Variants in CWC27 observed in about 807,000 individuals in gnomAD.
CWC27 encodes the protein CWC27 spliceosome associated cyclophilin.
In CWC27, 47 loss-of-function variants were observed where a neutral mutation model predicts 63.6. The observed-to-expected ratio is 0.74, with a 90% confidence interval of 0.58 to 0.94. The LOEUF (loss-of-function observed/expected upper bound fraction) is 0.94. Among genes scored for constraint, CWC27 ranks in the 40% least tolerant of loss-of-function variants. The pLI is 0.00. For synonymous variants in CWC27, 175 were observed against 179.8 expected, an observed-to-expected ratio of 0.97 and a Z score of 0.22; for missense variants, 495 against 554.3, an observed-to-expected ratio of 0.89 and a Z score of 1.07.
chr5:64,923,768 C>T (rs1057042755), intron 11 of CWC27, among the ~76,000 whole-genome samples: 5 of 151,524 alleles, frequency 3.3e-5, no homozygotes, highest in Admixed American at 6.6e-5. Flanking sequence ...ACTCTAGCTT[C>T]AAGCTAACAT....
At chr5:64,851,325 A>G (rs950856660) in intron 10 of CWC27, among the ~76,000 whole-genome samples, 1 of 152,148 alleles carries the variant, frequency 6.6e-6, no homozygotes, top group Admixed American at 6.6e-5. Flanking sequence ...CTGTGTTCTC[A>G]CTTATATGTG....
At chr5:64,884,268 G>A (rs1487553257) in intron 10 of CWC27, 1 of 152,092 alleles carries the variant, frequency 6.6e-6, no homozygotes, top group East Asian at 1.9e-4. Flanking sequence ...GAAATGAAAG[G>A]CTGAAAAAGT....
At chr5:64,895,124 T>C (rs1747338417) in intron 11 of CWC27, among the ~76,000 whole-genome samples, 1 of 152,154 alleles carries the variant, frequency 6.6e-6, no homozygotes, top group Non-Finnish European at 1.5e-5. Context: ...GGTCTCCAAA[T>C]CTTCCAGCCA....
At chr5:64,947,309 A>G (rs1166952486) in intron 11 of CWC27, among the ~76,000 whole-genome samples, 1 of 152,116 alleles carries the variant, frequency 6.6e-6, no homozygotes, top group African/African-American at 2.4e-5. Flanking sequence ...TTCAAGCACC[A>G]ATGAGCAGGC....
At chr5:64,789,974 A>G (rs57519034) in intron 7 of CWC27, among the ~76,000 whole-genome samples, 1,635 of 152,218 alleles carry the variant, frequency 0.011, 24 homozygotes, top group African/African-American at 0.037. Context: ...TTCTTTAGCC[A>G]TATGTTCCCT....
At chr5:64,933,369 A>G (rs1267417413) in intron 11 of CWC27, among the ~76,000 whole-genome samples, 1 of 152,234 alleles carries the variant, frequency 6.6e-6, no homozygotes, top group African/African-American at 2.4e-5. Flanking sequence ...TTAAACTTGC[A>G]GAAAACAGTA....
intron 11 of CWC27, among the ~76,000 whole-genome samples, chr5:64,925,514 A>G (rs372807929): frequency 1.8e-4 from 28 of 152,294 alleles, no homozygotes; most frequent in African/African-American, 6.5e-4. Flanking sequence ...TGATTATTCT[A>G]TCATGTGCCT....
chr5:64,906,314 C>T (rs1747639947), intron 11 of CWC27, among the ~76,000 whole-genome samples: 1 of 152,214 alleles, frequency 6.6e-6, no homozygotes, highest in African/African-American at 2.4e-5. Context: ...TATTTCTCCA[C>T]ATCCTTTCCA....
intron 1 of CWC27, among the ~76,000 whole-genome samples, chr5:64,772,409 G>A (rs1411879247): frequency 6.7e-6 from 1 of 149,234 alleles, no homozygotes; most frequent in Non-Finnish European, 1.5e-5. Context: ...ATTGCCTGAG[G>A]TCAGGAGTTC....
At chr5:64,819,965 A>G (rs574590768) in intron 10 of CWC27, among the ~76,000 whole-genome samples, 8 of 152,328 alleles carry the variant, frequency 5.3e-5, no homozygotes, top group Admixed American at 4.6e-4. Context: ...TGCTATTAAT[A>G]TGTATAAAAA....
At chr5:64,885,698 G>GTGTGTGT (rs1747055365) in intron 11 of CWC27, 152 bp downstream of exon 11, 29 of 261,430 alleles carry the variant, frequency 1.1e-4, no homozygotes, top group Middle Eastern at 8.7e-4. Context: ...CTTGAGTTAG[G>GTGTGTGT]GTGTGTGTGT....
At position 64,971,821 on chromosome 5, in the gene CWC27, AAAAACCC is replaced by A; in HGVS notation, c.1152+13_1152+19del. The A allele has an allele frequency of 6.4e-7, 1 of 1,564,154 alleles. No homozygotes were observed. Among genetic ancestry groups the A allele is most frequent in the Non-Finnish European group, 8.8e-7 (1 of 1,141,424 alleles). The stretch of plus-strand genomic sequence containing the variant: ...CTTCCCGGGAAGATCAGGTAACTTC[AAAAACCC>A]AAATCCATACAGAACTTATTGTCTT... On this transcript the variant is annotated intron_variant, in intron 12 of 13. Coordinates refer to ENST00000381070, the MANE Select transcript of CWC27 (RefSeq NM_005869.4).
At chr5:64,782,443 G>T (rs546612558) in intron 3 of CWC27, among the ~76,000 whole-genome samples, 2 of 22,058 alleles carry the variant, frequency 9.1e-5, no homozygotes, top group African/African-American at 2.4e-4. Context: ...GCGAGACTCC[G>T]TCTCAAATAA....
intron 11 of CWC27, among the ~76,000 whole-genome samples, chr5:64,939,585 G>A (rs554489851): frequency 3.9e-5 from 6 of 152,318 alleles, no homozygotes; most frequent in African/African-American, 9.6e-5. Context: ...AAGTCAGGAG[G>A]CACAGGTGTT....
At position 64,800,335 on chromosome 5, in the gene CWC27, C is replaced by T. The variant is rs1744445521; in HGVS notation, c.749+8C>T. ...TGTTCCAGTTGTAGAAAGGTTAGTCCATTGTTGGTATGATCCTAAGTTCTT... is the reference window on the plus strand; with the variant it reads ...TGTTCCAGTTGTAGAAAGGTTAGTCTATTGTTGGTATGATCCTAAGTTCTT... On this transcript the variant is annotated splice_region_variant and intron_variant, in intron 8 of 13. Coordinates refer to ENST00000381070, the MANE Select transcript of CWC27 (RefSeq NM_005869.4). 6.3e-7 allele frequency: 1 copy of T among 1,589,194 alleles called. No homozygotes were observed. The highest frequency in any genetic ancestry group is 8.6e-7 in the Non-Finnish European group (1 of 1,160,516).
At chr5:64,897,609 G>A (rs1047721671) in intron 11 of CWC27, among the ~76,000 whole-genome samples, 1 of 152,128 alleles carries the variant, frequency 6.6e-6, no homozygotes, top group African/African-American at 2.4e-5. Flanking sequence ...GGGATAAGGG[G>A]AGGGATAGCA....
intron 11 of CWC27, among the ~76,000 whole-genome samples, chr5:64,956,327 C>T (rs912508563): frequency 6.6e-6 from 1 of 152,064 alleles, no homozygotes; most frequent in Admixed American, 6.6e-5. Context: ...CATTCAGAGA[C>T]TTTCATGATC....
chr5:64,819,515 C>T (rs1462666653), intron 10 of CWC27, among the ~76,000 whole-genome samples: 1 of 151,864 alleles, frequency 6.6e-6, no homozygotes, highest in Non-Finnish European at 1.5e-5. Context: ...TCGTGCTGTT[C>T]TCATGATAGT....
At chr5:64,993,617 G>C (rs1451866519) in intron 13 of CWC27, among the ~76,000 whole-genome samples, 1 of 151,526 alleles carries the variant, frequency 6.6e-6, no homozygotes, top group East Asian at 1.9e-4. Context: ...TTCTATGTTG[G>C]GAATATATAG....
Sources: gnomAD v4.1 joint callset for allele counts (sites outside exome capture counted in the v4.1 genomes callset) on GRCh38, gnomAD v4.1.1 for gene constraint, MANE v1.5 for transcripts, NCBI Gene and HGNC (gene_info 2026-07-23, HGNC 2026-07-21) for gene names.